NEO1: variants seen among roughly 807,000 people sequenced by gnomAD.
NEO1 encodes the protein neogenin 1.
NEO1 carries 63 observed loss-of-function variants against 159.7 expected under a neutral mutation model. The observed-to-expected ratio is 0.39, with a 90% CI of 0.32 to 0.49. NEO1 has a LOEUF of 0.49. Ranked by LOEUF, NEO1 falls within the 20% of genes least tolerant of loss-of-function variation. NEO1 has a pLI of 0.85. For synonymous variants in NEO1, 633 were observed against 662.0 expected, an observed-to-expected ratio of 0.96 and a Z score of 0.67; for missense variants, 1,615 against 1,831.0, an observed-to-expected ratio of 0.88 and a Z score of 2.15.
chr15:73,218,094 C>T (rs1447816555), intron 7 of NEO1, among the ~76,000 whole-genome samples: 3 of 152,120 alleles, frequency 2.0e-5, no homozygotes, highest in African/African-American at 7.2e-5. Flanking sequence ...ATTTTAGATA[C>T]GTCCCATCAA....
intron 1 of NEO1, among the ~76,000 whole-genome samples, chr15:73,115,901 C>T (rs2071282436): frequency 6.6e-6 from 1 of 151,868 alleles, no homozygotes; most frequent in African/African-American, 2.4e-5. Context: ...AGTAATAGAA[C>T]AAAGCAAGGC....
At chr15:73,126,957 C>T (rs1340847065) in intron 4 of NEO1, among the ~76,000 whole-genome samples, 1 of 152,060 alleles carries the variant, frequency 6.6e-6, no homozygotes, top group African/African-American at 2.4e-5. Context: ...CTGGGCTGGC[C>T]ACAGTGGCTC....
At chr15:73,243,693 C>T (rs1714529) in intron 8 of NEO1, among the ~76,000 whole-genome samples, 14,409 of 152,016 alleles carry the variant, frequency 0.095, 909 homozygotes, top group African/African-American at 0.17. Flanking sequence ...AATACTAGAC[C>T]GCTGGATTTG....
chr15:73,102,052 C>T (rs1373611038), intron 1 of NEO1, among the ~76,000 whole-genome samples: 3 of 152,202 alleles, frequency 2.0e-5, no homozygotes, highest in African/African-American at 7.2e-5. Context: ...TCTCAGGCCC[C>T]ATCCTAGAAC....
chr15:73,176,703 T>C, intron 6 of NEO1, 146 bp downstream of exon 6: 1 of 572,088 alleles, frequency 1.7e-6, no homozygotes. Flanking sequence ...AATACCTTCA[T>C]TGGCTGATGA....
chr15:73,236,883 C>T (rs2039206165), intron 8 of NEO1, among the ~76,000 whole-genome samples: 1 of 152,122 alleles, frequency 6.6e-6, no homozygotes, highest in Admixed American at 6.5e-5. Flanking sequence ...TGCGGAGCTC[C>T]AGGGGTTCTC....
In NEO1 at chr15:73,283,064, G is replaced by GATT; in HGVS notation, c.3366_3368dup (p.Ile1123dup). ...GCGTCATCACCATCGTGGTGGTTGT[G>GATT]ATTATCGCTGTCTTTTGTACCCGTC... On this transcript the variant is annotated inframe_insertion, in exon 23 of 29. Transcript: ENST00000261908. 6.2e-7 allele frequency: 1 copy of GATT among 1,614,158 alleles called. No individual in the cohort carries two copies. The highest frequency in any genetic ancestry group is 1.1e-5 in the South Asian group (1 of 91,076).
intron 9 of NEO1, among the ~76,000 whole-genome samples, chr15:73,246,370 C>T (rs752086060): frequency 1.3e-5 from 2 of 152,128 alleles, no homozygotes; most frequent in African/African-American, 2.4e-5. Context: ...GTTCTCATTA[C>T]AGGCAGAATG....
Position 73,288,340 on chromosome 15 carries a change from T to A in NEO1, c.3438T>A (p.Asn1146Lys). 1 of 1,613,824 alleles carries A rather than the reference T, an allele frequency of 6.2e-7. No homozygotes were observed. Among genetic ancestry groups the A allele is most frequent in the Middle Eastern group, 1.7e-4 (1 of 6,060 alleles). ...KKKRAACKSV[N>K]GSHKYKGNSK... ...AACGAGCTGCCTGCAAATCAGTGAA[T>A]GGCTCTCATAAGTACAAAGGGAATT... The change falls in exon 24 of 29, where the codon AAT becomes AAA. Residue 1146 changes from asparagine to lysine, a missense_variant. This residue lies in a region of NEO1 where 471 missense variants were observed against 498.9 expected (regional missense o/e 0.94). Coordinates refer to ENST00000261908, the MANE Select transcript of NEO1 (RefSeq NM_002499.4).
At chr15:73,238,271 G>GTTT (rs55887721) in intron 8 of NEO1, among the ~76,000 whole-genome samples, 3 of 38,850 alleles carry the variant, frequency 7.7e-5, no homozygotes, top group East Asian at 8.7e-4. Flanking sequence ...TTTAGTTTGG[G>GTTT]TTTTTTTTTT....
chr15:73,154,942 G>A lies in NEO1; in HGVS notation c.1015+18915G>A, dbSNP rs145205232. Among the ~76,000 whole-genome samples, 135 of 150,688 alleles carry A rather than the reference G, an allele frequency of 9.0e-4. 1 individual carries two copies. The highest frequency in any genetic ancestry group is 3.2e-3 in the African/African-American group (131 of 41,222). On this transcript the variant is annotated intron_variant, in intron 5 of 28. Transcript: ENST00000261908. ...TGTTTCTTCTTCTGTCTTTTGGCTT[G>A]ATGGAATTCTGTTGTGTTGCCATTT...
At chr15:73,054,183 A>G (rs1381587791) in intron 1 of NEO1, among the ~76,000 whole-genome samples, 1 of 152,258 alleles carries the variant, frequency 6.6e-6, no homozygotes, top group Non-Finnish European at 1.5e-5. Context: ...CAAGAGAAAT[A>G]TAACTATTTT....
chr15:73,062,895 C>G (rs911663962), intron 1 of NEO1, among the ~76,000 whole-genome samples: 2 of 152,152 alleles, frequency 1.3e-5, no homozygotes, highest in Admixed American at 1.3e-4. Context: ...GAAACGTAGG[C>G]TCACAGGTTA....
intron 21 of NEO1, among the ~76,000 whole-genome samples, chr15:73,275,791 A>G (rs1172451165): frequency 1.3e-5 from 2 of 152,182 alleles, no homozygotes; most frequent in Non-Finnish European, 2.9e-5. Context: ...AGGGATAGCT[A>G]TATTTTGTGA....
At chr15:73,294,113 A>T (rs2042264490) in intron 26 of NEO1, among the ~76,000 whole-genome samples, 1 of 152,334 alleles carries the variant, frequency 6.6e-6, no homozygotes, top group Non-Finnish European at 1.5e-5. Flanking sequence ...ACAGGAATAG[A>T]TCCTCTCTGA....
At position 73,304,899 on chromosome 15, in the gene NEO1, T is replaced by C. The variant is rs775110414; in HGVS notation, c.*2203T>C. 4.6e-5 allele frequency: 7 copies of C among 152,206 alleles called. No individual in the cohort carries two copies. The highest frequency in any genetic ancestry group is 9.7e-5 in the African/African-American group (4 of 41,442). The allele number at this position is 152,206 out of a possible 1,614,324, so 9.4% of individuals were successfully genotyped here. A position where few individuals can be genotyped will look rare whatever the true frequency, so the allele number is the denominator to read the frequency against. On this transcript the variant is annotated 3_prime_UTR_variant, in exon 29 of 29. Transcript: ENST00000261908. ...TAAGAAAAAGGAAAGCTATTCTGTA[T>C]TGCACCTTTTCACAATTTAATACAT... is the stretch of plus-strand genomic sequence containing the variant.
chr15:73,127,991 G>A (rs1454627282), intron 4 of NEO1, among the ~76,000 whole-genome samples: 1 of 152,092 alleles, frequency 6.6e-6, no homozygotes, highest in African/African-American at 2.4e-5. Context: ...TATCCAAGAC[G>A]TAGAAACAGG....
intron 8 of NEO1, among the ~76,000 whole-genome samples, chr15:73,243,564 A>G (rs1013640568): frequency 2.0e-5 from 3 of 152,244 alleles, no homozygotes; most frequent in African/African-American, 7.2e-5. Context: ...TAGTGAGTAC[A>G]GTAGACTGAG....
At chr15:73,252,458 T>C (rs2040126059) in intron 11 of NEO1, among the ~76,000 whole-genome samples, 2 of 152,202 alleles carry the variant, frequency 1.3e-5, no homozygotes, top group East Asian at 1.9e-4. Flanking sequence ...AATGAGTATT[T>C]TCTGGTATCT....
Sources: allele counts gnomAD v4.1 joint callset (sites outside exome capture counted in the v4.1 genomes callset), GRCh38; gene constraint gnomAD v4.1.1; regional missense constraint gnomAD v4.1.1; transcripts MANE v1.5; gene names NCBI Gene and HGNC (gene_info 2026-07-23, HGNC 2026-07-21).